The following TUBGCP5 variants were observed in gnomAD, a reference collection of about 807,000 sequenced individuals.
TUBGCP5 encodes the protein gamma-tubulin complex component 5.
In TUBGCP5, 98 loss-of-function variants were observed where a neutral mutation model predicts 134.7. That is an observed-to-expected ratio of 0.73 (90% CI 0.62 to 0.86). The LOEUF (loss-of-function observed/expected upper bound fraction) is 0.86, where lower values mean the gene tolerates loss of function less well. Among genes scored for constraint, TUBGCP5 ranks in the 40% least tolerant of loss-of-function variants. The probability of loss-of-function intolerance (pLI) is 0.00; values close to 1 mark genes in which losing one functional copy is unlikely to be tolerated. For missense variants in TUBGCP5, 1,150 were observed against 1,244.8 expected (o/e 0.92, Z 1.15); for synonymous variants, 456 against 431.4 (o/e 1.06, Z -0.71).
intron 6 of TUBGCP5, among the ~76,000 whole-genome samples, chr15:23,028,001 T>C (rs1039758426): frequency 1.3e-5 from 2 of 152,074 alleles, no homozygotes; most frequent in African/African-American, 2.4e-5. Flanking sequence ...TACAAGTTGT[T>C]TGAAAAAGCA....
At chr15:23,016,095 C>T (rs1040019281) in intron 13 of TUBGCP5, among the ~76,000 whole-genome samples, 2 of 152,084 alleles carry the variant, frequency 1.3e-5, no homozygotes, top group African/African-American at 2.4e-5. Context: ...CGGTGAGATA[C>T]AAGACAGTAC....
chr15:23,035,511 C>G (rs999773527), intron 3 of TUBGCP5, among the ~76,000 whole-genome samples: 10 of 151,950 alleles, frequency 6.6e-5, no homozygotes, highest in Non-Finnish European at 1.5e-4. Context: ...TCATAAGGAG[C>G]ATGCAACCTA....
rs746540865 is a variant in TUBGCP5 at position 23,011,303 on chromosome 15, G to C, written c.1785C>G (p.Leu595=). The part of the protein sequence containing the change: ...RDAERKSLYT[L]FLESVQSRLR... ...GACGGGACTGTACAGATTCCAGAAA[G>C]AGAGTGTATAAACTTTTTCTTTCTG... The change falls in exon 14 of 23, where the codon CTC becomes CTG. Residue 595 remains leucine (L), a synonymous_variant. Coordinates refer to ENST00000615383, the MANE Select transcript of TUBGCP5 (RefSeq NM_052903.6). 6.2e-7 allele frequency: 1 copy of C among 1,613,468 alleles called. No homozygotes were observed. Among genetic ancestry groups the C allele is most frequent in the Non-Finnish European group, 8.5e-7 (1 of 1,179,718 alleles).
intron 16 of TUBGCP5, among the ~76,000 whole-genome samples, chr15:23,006,904 A>T: frequency 6.6e-6 from 1 of 152,280 alleles, no homozygotes; most frequent in Middle Eastern, 3.4e-3. Context: ...AGGCACTATT[A>T]TGTGTCCTTA....
At chr15:23,014,683 T>A (rs956446872) in intron 13 of TUBGCP5, among the ~76,000 whole-genome samples, 2 of 152,108 alleles carry the variant, frequency 1.3e-5, no homozygotes, top group African/African-American at 2.4e-5. Context: ...CAGGCAGACA[T>A]GCACCCAGGC....
At position 23,037,413 on chromosome 15, in the gene TUBGCP5, G is replaced by A. The variant is rs922986915; in HGVS notation, c.147-261C>T. 1.3e-5 allele frequency among the ~76,000 whole-genome samples: 2 copies of A among 152,074 alleles called. 1 individual carries two copies. The highest frequency in any genetic ancestry group is 2.9e-5 in the Non-Finnish European group (2 of 68,018). The stretch of plus-strand genomic sequence containing the variant: ...CTCTGGCTCCTCTGTCTTCCCATAA[G>A]CCCCTGTACCTAAGTCCAGCTGAAC... On this transcript the variant is annotated intron_variant, in intron 1 of 22. Coordinates refer to ENST00000615383, the MANE Select transcript of TUBGCP5 (RefSeq NM_052903.6).
intron 11 of TUBGCP5, among the ~76,000 whole-genome samples, chr15:23,019,942 G>A (rs1272945061): frequency 6.6e-6 from 1 of 151,976 alleles, no homozygotes; most frequent in Non-Finnish European, 1.5e-5. Context: ...AGCGAACAAG[G>A]TTTCCCTATC....
At chr15:23,020,626 T>C (rs1353702670) in intron 11 of TUBGCP5, among the ~76,000 whole-genome samples, 1 of 150,350 alleles carries the variant, frequency 6.7e-6, no homozygotes, top group Non-Finnish European at 1.5e-5. Flanking sequence ...AAATATGGTA[T>C]TAAATTGGTG....
In TUBGCP5 at chr15:23,005,154, C is replaced by T. The variant is rs73411332; in HGVS notation, c.2712+278G>A. Among the ~76,000 whole-genome samples the T allele has an allele frequency of 4.3e-3, 651 of 152,168 alleles. 8 individuals are homozygous for T. Among genetic ancestry groups the T allele is most frequent in the African/African-American group, 0.015 (633 of 41,506 alleles). On this transcript the variant is annotated intron_variant, in intron 19 of 22. Coordinates refer to ENST00000615383, the MANE Select transcript of TUBGCP5 (RefSeq NM_052903.6). The stretch of plus-strand genomic sequence containing the variant: ...CACTATTGAAACCTAAAGGACTATG[C>T]GGCACATTCTGAAGGCAATTCCAGA...
chr15:23,007,569 T>C (rs12593624), intron 16 of TUBGCP5, among the ~76,000 whole-genome samples: 13,327 of 151,978 alleles, frequency 0.088, 1,061 homozygotes, highest in East Asian at 0.46. Context: ...AAGGGGGATG[T>C]AGGAATGAGC....
At position 23,037,958 on chromosome 15, in the gene TUBGCP5, G is replaced by A. The variant is rs532249721; in HGVS notation, c.147-806C>T. Among the ~76,000 whole-genome samples, 210 of 152,154 alleles carry A rather than the reference G, an allele frequency of 1.4e-3. 3 individuals carry two copies. The highest frequency in any genetic ancestry group is 4.9e-3 in the African/African-American group (203 of 41,504). On this transcript the variant is annotated intron_variant, in intron 1 of 22. Coordinates refer to ENST00000615383, the MANE Select transcript of TUBGCP5 (RefSeq NM_052903.6). ...TTTTTGTACTTTTAGTAGAGACCGG[G>A]TTTCACCGTGTTAGCCAGGATAGTC...
intron 23 of TUBGCP5, among the ~76,000 whole-genome samples, chr15:22,986,691 T>C (rs2063690709): frequency 1.3e-5 from 2 of 151,418 alleles, no homozygotes; most frequent in Admixed American, 6.6e-5. Flanking sequence ...TGAGCTGAGA[T>C]TGCGCCACCG....
At chr15:23,021,137 CT>C (rs2065662807) in intron 11 of TUBGCP5, among the ~76,000 whole-genome samples, 1 of 151,932 alleles carries the variant, frequency 6.6e-6, no homozygotes, top group African/African-American at 2.4e-5. Context: ...CACCTGGCTA[CT>C]TTAAAAATTT....
At chr15:22,994,215 G>A (rs1411819621), downstream of TUBGCP5, among the ~76,000 whole-genome samples, 3 of 152,090 alleles carry the variant, frequency 2.0e-5, no homozygotes, top group Non-Finnish European at 4.4e-5. Flanking sequence ...AGCCTCCCAG[G>A]TAGCTGGGAT....
chr15:23,026,157 C>A lies in TUBGCP5; in HGVS notation c.786G>T (p.Arg262Ser), dbSNP rs2065972818. ...TAACCTGAGTCTCAGTAACCAAAAC[C>A]CTGTCATCTGGAACATACAATGGAT... is the stretch of plus-strand genomic sequence containing the variant. Reference protein sequence around the residue: ...SSDPLYVPDDRVLVTETQVIR... With the variant: ...SSDPLYVPDDSVLVTETQVIR... The change falls in exon 8 of 23, where the codon AGG (arginine) becomes AGT (serine). Residue 262 changes from arginine (R) to serine (S), a missense_variant. Physicochemically the swap from Arg to Ser is moderately radical, Grantham distance 110. Around this residue, in one of 2 missense-constraint regions of TUBGCP5, gnomAD observed 453 missense variants for 394.7 expected, o/e 1.15. Coordinates refer to ENST00000615383, the MANE Select transcript of TUBGCP5 (RefSeq NM_052903.6). 7 of 1,610,610 alleles carry A rather than the reference C, an allele frequency of 4.3e-6. No homozygotes were observed. Among genetic ancestry groups the A allele is most frequent in the South Asian group, 1.1e-5 (1 of 90,214 alleles).
intron 10 of TUBGCP5, chr15:23,023,203 G>A (rs1567146106): frequency 1.3e-5 from 2 of 152,152 alleles, no homozygotes; most frequent in South Asian, 4.1e-4. Flanking sequence ...ATGGTGGCAG[G>A]TGCCTGTAAT....
At chr15:23,038,098 T>C (rs903543289) in intron 1 of TUBGCP5, among the ~76,000 whole-genome samples, 8 of 152,230 alleles carry the variant, frequency 5.3e-5, no homozygotes, top group African/African-American at 1.9e-4. Flanking sequence ...GAACTATTCA[T>C]TTTTCTGATG....
rs1348005205 is a variant in TUBGCP5 at position 23,000,591 on chromosome 15, G to A, written c.3006C>T (p.Val1002=). The change falls in exon 22 of 23, where the codon GTC becomes GTT. Residue 1002 remains valine, a synonymous_variant. Transcript: ENST00000615383. The part of the protein sequence containing the change: ...MFLVTILNKA[V]CRGSFPHLES... ...CACAATGGGGAAAGGATCCTCTACA[G>A]ACGGCTTTGTTTAAAATGGTTACAA... 6.2e-7 allele frequency: 1 copy of A among 1,612,158 alleles called. No homozygotes were observed. The highest frequency in any genetic ancestry group is 2.2e-5 in the East Asian group (1 of 44,806).
chr15:23,005,448 T>C lies in TUBGCP5; in HGVS notation c.2696A>G (p.Asn899Ser). The C allele has an allele frequency of 6.2e-7, 1 of 1,614,102 alleles. No individual in the cohort carries two copies. Among genetic ancestry groups the C allele is most frequent in the Non-Finnish European group, 8.5e-7 (1 of 1,179,980 alleles). Residue 899 changes from asparagine to serine, a missense_variant, in exon 19 of 23, where the codon AAC (asparagine) becomes AGC (serine). By Grantham distance (46) the Asn-to-Ser change is conservative. This residue lies in a region of TUBGCP5 where 697 missense variants were observed against 850.1 expected (regional missense o/e 0.82). Transcript: ENST00000615383. ...GGCACAAACCCTGGTCATGATGTAG[T>C]TGTGCAAGCTGTTCACGAAATGCAT... ...KLMHFVNSLH[N>S]YIMTRILHST... is the part of the protein sequence containing the mutation.
Sources: gnomAD v4.1 joint callset for allele counts (sites outside exome capture counted in the v4.1 genomes callset) on GRCh38, gnomAD v4.1.1 for gene constraint, gnomAD v4.1.1 regional missense constraint, MANE v1.5 for transcripts, NCBI Gene and HGNC (gene_info 2026-07-23, HGNC 2026-07-21) for gene names.